Variants in EXOSC4 observed in about 807,000 individuals in gnomAD.
The protein encoded by EXOSC4 is exosome component 4, also known as exosome complex component RRP41.
A neutral mutation model predicts 20.0 loss-of-function variants in EXOSC4; 14 were observed. That is an observed-to-expected ratio of 0.70 (90% confidence interval 0.46 to 1.09). EXOSC4 has a LOEUF of 1.09. EXOSC4 is among the 50% of genes least tolerant of loss of function. The pLI is 0.00. For missense variants in EXOSC4, 337 were observed against 334.0 expected (o/e 1.01, Z -0.07); for synonymous variants, 148 against 146.4 (o/e 1.01, Z -0.08).
At chr8:144,064,370 C>CT in the EXOSC4 span, among the ~76,000 whole-genome samples, 2 of 152,272 alleles carry the variant, frequency 1.3e-5, no homozygotes, top group African/African-American at 4.8e-5. Flanking sequence ...TGTCGGCAGT[C>CT]ACGGTTGGCA....
chr8:144,080,347 G>T lies in EXOSC4; in HGVS notation c.484G>T (p.Ala162Ser). 1.9e-6 allele frequency: 3 copies of T among 1,613,330 alleles called. No homozygotes were observed. The highest frequency in any genetic ancestry group is 3.3e-5 in the Admixed American group (2 of 60,028). ...PMRDFVCACS[A>S]GFVDGTALAD... ...GAGAGACTTTGTGTGTGCGTGCTCAGCTGGCTTCGTGGACGGCACAGCCCT... is the reference window on the plus strand; with the variant it reads ...GAGAGACTTTGTGTGTGCGTGCTCATCTGGCTTCGTGGACGGCACAGCCCT... Residue 162 changes from alanine to serine, a missense_variant, in exon 3 of 3, where the codon GCT (alanine) becomes TCT (serine). Ala to Ser is a moderately conservative substitution (Grantham distance 99). Transcript: ENST00000316052. This position sits in a 1 kb window ranked among gnomAD's most constrained non-coding sequence, Gnocchi z 4.9.
chr8:144,066,983 A>G, the EXOSC4 span, among the ~76,000 whole-genome samples: 1 of 152,220 alleles, frequency 6.6e-6, no homozygotes, highest in African/African-American at 2.4e-5. Context: ...GCTACTCGGG[A>G]GGCTGAGGCA....
At chr8:144,069,038 A>C in the EXOSC4 span, among the ~76,000 whole-genome samples, 1 of 152,270 alleles carries the variant, frequency 6.6e-6, no homozygotes, top group African/African-American at 2.4e-5. Context: ...GGCTGTGGGA[A>C]GCTCAGTGGA....
upstream of EXOSC4, among the ~76,000 whole-genome samples, chr8:144,073,827 G>C (rs1835812315): frequency 6.6e-6 from 1 of 151,914 alleles, no homozygotes; most frequent in African/African-American, 2.4e-5. Flanking sequence ...CTCTAGCCTG[G>C]GTGACAGAGC....
At chr8:144,067,081 C>G in the EXOSC4 span, among the ~76,000 whole-genome samples, 1 of 152,104 alleles carries the variant, frequency 6.6e-6, no homozygotes, top group Non-Finnish European at 1.5e-5. Flanking sequence ...GAGTGAGACT[C>G]TGTCTCAAAA....
the EXOSC4 span, among the ~76,000 whole-genome samples, chr8:144,071,984 A>C: frequency 6.6e-6 from 1 of 152,272 alleles, no homozygotes; most frequent in Admixed American, 6.5e-5. Flanking sequence ...TGTCTCAGAA[A>C]AATTAAAAAA....
At chr8:144,069,538 C>T in the EXOSC4 span, among the ~76,000 whole-genome samples, 1 of 152,222 alleles carries the variant, frequency 6.6e-6, no homozygotes, top group South Asian at 2.1e-4. Flanking sequence ...CCCTCCATTT[C>T]CCTCCTAAAG....
the EXOSC4 span, among the ~76,000 whole-genome samples, chr8:144,070,497 C>T: frequency 8.9e-5 from 13 of 145,722 alleles, no homozygotes; most frequent in Non-Finnish European, 3.0e-5. Flanking sequence ...GCACTCCAGC[C>T]TGGGCAACAG....
chr8:144,079,415 A>ATTTC (rs1835872857), intron 1 of EXOSC4: 1 of 258,690 alleles, frequency 3.9e-6, no homozygotes, highest in Non-Finnish European at 7.7e-6. Context: ...AGGTATTGAA[A>ATTTC]GAGTGTTTGC....
chr8:144,074,711 C>G (rs1835820982), upstream of EXOSC4, among the ~76,000 whole-genome samples: 1 of 152,148 alleles, frequency 6.6e-6, no homozygotes, highest in Non-Finnish European at 1.5e-5. Flanking sequence ...GCTGGAACTA[C>G]AGGCGTGTGC....
chr8:144,078,761 C>A lies in EXOSC4; in HGVS notation c.33C>A (p.Gly11=). The A allele has an allele frequency of 6.6e-7, 1 of 1,524,632 alleles. No homozygotes were observed. Among genetic ancestry groups the A allele is most frequent in the South Asian group, 1.3e-5 (1 of 79,742 alleles). 94.4% of individuals were successfully genotyped at this position (1,524,632 alleles called of 1,614,324 possible). MAGLELLSDQ[G]YRVDGRRAGE... ...GGCTGGAGCTCTTGTCGGACCAGGG[C>A]TACCGGGTGGACGGGCGGCGCGCCG... The change falls in exon 1 of 3, where the codon GGC becomes GGA. Residue 11 remains glycine (G), a synonymous_variant. Transcript: ENST00000316052. The surrounding 1 kb of genome is among the most constrained non-coding windows in gnomAD (Gnocchi z 4.7).
chr8:144,076,166 G>A (rs1271387279), upstream of EXOSC4, among the ~76,000 whole-genome samples: 5 of 152,172 alleles, frequency 3.3e-5, no homozygotes, highest in East Asian at 9.6e-4. Flanking sequence ...ACCCCAGGGC[G>A]CTGAGTGTCT....
chr8:144,078,695 A>G lies in EXOSC4; in HGVS notation c.-34A>G, dbSNP rs572024698. ...CTGTAGTTCTCCCGCGGCTCAGAGA[A>G]GTAGGCAGAGAGCGGACCTGGCGGC... On this transcript the variant is annotated 5_prime_UTR_variant, in exon 1 of 3. Transcript: ENST00000316052. This position sits in a 1 kb window ranked among gnomAD's most constrained non-coding sequence, Gnocchi z 4.7. 4.3e-5 allele frequency: 59 copies of G among 1,379,356 alleles called. No homozygotes were observed. The Middle Eastern group carries it at 8.9e-4, about 21-fold the overall frequency. The allele number at this position is 1,379,356 out of a possible 1,614,324, so 85.4% of individuals were successfully genotyped here.
At chr8:144,069,303 A>T in the EXOSC4 span, among the ~76,000 whole-genome samples, 2 of 152,206 alleles carry the variant, frequency 1.3e-5, no homozygotes, top group Non-Finnish European at 2.9e-5. Flanking sequence ...AAACAACAGA[A>T]ACTTACTATC....
rs782316494 is a variant in EXOSC4, at chr8:144,080,561, G to A, written c.698G>A (p.Arg233Gln). The change falls in exon 3 of 3, where the codon CGG becomes CAG. Residue 233 changes from arginine (R) to glutamine (Q), a missense_variant. By Grantham distance (43) the Arg-to-Gln change is conservative. Transcript: ENST00000316052. The surrounding 1 kb of genome is among the most constrained non-coding windows in gnomAD (Gnocchi z 4.9). ...CACACCCTCTTAGATCGAGTGGTCC[G>A]GCAGCATGTGCGTGAGGCCTCTATC... ...DVHTLLDRVV[R>Q]QHVREASILL... 49 of 1,599,968 alleles carry A rather than the reference G, an allele frequency of 3.1e-5. No homozygotes were observed. Among genetic ancestry groups the A allele is most frequent in the Admixed American group, 1.0e-4 (6 of 59,990 alleles).
upstream of EXOSC4, among the ~76,000 whole-genome samples, chr8:144,076,776 C>T (rs149884701): frequency 1.5e-4 from 23 of 152,290 alleles, no homozygotes; most frequent in East Asian, 3.3e-3. Flanking sequence ...TTCCCGCATG[C>T]GGCAAGGACT....
chr8:144,078,505 G>A (rs1050386048), upstream of EXOSC4: 28 of 412,494 alleles, frequency 6.8e-5, no homozygotes, highest in Middle Eastern at 6.2e-4. This position sits in a 1 kb window ranked among gnomAD's most constrained non-coding sequence, Gnocchi z 4.7. Context: ...GGGGAGGTCG[G>A]GGCCGCGGTG....
the EXOSC4 span, among the ~76,000 whole-genome samples, chr8:144,068,516 G>T: frequency 1.3e-5 from 2 of 152,240 alleles, no homozygotes; most frequent in African/African-American, 4.8e-5. Context: ...GGAAGAGTGT[G>T]GGGAAGTGAC....
chr8:144,071,869 A>G, the EXOSC4 span, among the ~76,000 whole-genome samples: 1 of 152,038 alleles, frequency 6.6e-6, no homozygotes, highest in East Asian at 2.0e-4. Context: ...AGTCTCAGCT[A>G]CCGGGGAGGC....
Sources: gnomAD v4.1 joint callset for allele counts (sites outside exome capture counted in the v4.1 genomes callset) on GRCh38, gnomAD v4.1.1 for gene constraint, Gnocchi (gnomAD v3.1) non-coding constraint, MANE v1.5 for transcripts, NCBI Gene and HGNC (gene_info 2026-07-23, HGNC 2026-07-21) for gene names.